The following SEMA5A variants were observed in gnomAD, a reference collection of about 807,000 sequenced individuals.
SEMA5A encodes the protein semaphorin 5A.
SEMA5A carries 55 observed loss-of-function variants against 135.5 expected under a neutral mutation model. That is an observed-to-expected ratio of 0.41 (90% CI 0.33 to 0.51). The LOEUF (loss-of-function observed/expected upper bound fraction) is 0.51. SEMA5A is among the 20% of genes least tolerant of loss of function. The pLI, the probability that SEMA5A is intolerant of heterozygous loss-of-function variation, is 0.37. For synonymous variants in SEMA5A, 580 were observed against 546.5 expected (o/e 1.06, Z -0.85); for missense variants, 1,290 against 1,419.9 (o/e 0.91, Z 1.47).
chr5:9,210,408 C>T (rs1184145122), intron 8 of SEMA5A, among the ~76,000 whole-genome samples: 1 of 152,178 alleles, frequency 6.6e-6, no homozygotes, highest in South Asian at 2.1e-4. Context: ...CATTAAATTA[C>T]CACACAGGCT....
At chr5:9,333,961 G>A (rs995112105) in intron 4 of SEMA5A, among the ~76,000 whole-genome samples, 9 of 151,878 alleles carry the variant, frequency 5.9e-5, no homozygotes, top group African/African-American at 9.7e-5. Flanking sequence ...AACATAATAC[G>A]AAAGTTCATG....
At chr5:9,135,433 G>A (rs947873290) in intron 13 of SEMA5A, among the ~76,000 whole-genome samples, 11 of 151,608 alleles carry the variant, frequency 7.3e-5, no homozygotes, top group South Asian at 6.3e-4. Flanking sequence ...CACCTGCCTC[G>A]GCCTCCCAAA....
intron 5 of SEMA5A, among the ~76,000 whole-genome samples, chr5:9,258,688 G>A (rs1749216896): frequency 6.6e-6 from 1 of 151,812 alleles, no homozygotes; most frequent in South Asian, 2.1e-4. Context: ...GGGTCTTGGT[G>A]AGTATTAAGG....
chr5:9,467,401 C>T (rs1428519871), intron 1 of SEMA5A, among the ~76,000 whole-genome samples: 2 of 152,214 alleles, frequency 1.3e-5, no homozygotes, highest in Non-Finnish European at 1.5e-5. Context: ...CGTGAGCCAC[C>T]GCGCCCGGCT....
chr5:9,221,290 G>A (rs1055761800), intron 8 of SEMA5A, among the ~76,000 whole-genome samples: 4 of 148,888 alleles, frequency 2.7e-5, no homozygotes, highest in African/African-American at 4.9e-5. Context: ...AAAGGCATCC[G>A]AACATTTTCT....
chr5:9,262,989 A>G (rs1041332149), intron 5 of SEMA5A, among the ~76,000 whole-genome samples: 2 of 150,626 alleles, frequency 1.3e-5, no homozygotes, highest in African/African-American at 2.4e-5. Context: ...TTTTAAATAA[A>G]TGCCTAAGGA....
chr5:9,367,155 A>T (rs2126414017), intron 3 of SEMA5A, among the ~76,000 whole-genome samples: 1 of 152,340 alleles, frequency 6.6e-6, no homozygotes, highest in African/African-American at 2.4e-5. Flanking sequence ...TTTTAATTTA[A>T]CTAATTAAAA....
chr5:9,408,020 C>T (rs1023791966), intron 2 of SEMA5A, among the ~76,000 whole-genome samples: 13 of 99,968 alleles, frequency 1.3e-4, no homozygotes, highest in Admixed American at 4.6e-4. Context: ...ACCAACACCA[C>T]AACTACCACC....
chr5:9,189,717 T>A (rs1744996610), intron 11 of SEMA5A, among the ~76,000 whole-genome samples: 2 of 152,202 alleles, frequency 1.3e-5, no homozygotes, highest in Non-Finnish European at 2.9e-5. Flanking sequence ...TACACTCTAG[T>A]TGCTTTGGAA....
chr5:9,393,229 G>T (rs1756243755), intron 2 of SEMA5A, among the ~76,000 whole-genome samples: 1 of 152,184 alleles, frequency 6.6e-6, no homozygotes, highest in Non-Finnish European at 1.5e-5. Flanking sequence ...ATACAAAAAT[G>T]ATCCCATCCT....
At position 9,154,491 on chromosome 5, in the gene SEMA5A, C is replaced by A; in HGVS notation, c.1478G>T (p.Arg493Leu). The A allele has an allele frequency of 6.2e-7, 1 of 1,611,798 alleles. No individual in the cohort carries two copies. The highest frequency in any genetic ancestry group is 8.5e-7 in the Non-Finnish European group (1 of 1,179,756). The change falls in exon 12 of 23, where the codon CGC (arginine) becomes CTC (leucine). Residue 493 changes from arginine (R) to leucine (L), a missense_variant. Transcript: ENST00000382496. ...PLKRCQFYRT[R>L]STCIGAQDPY... ...CCTGACCCCGGAGATGCCCTACCTG[C>A]GTGTGCGGTAGAACTGGCACCTCTT... is the stretch of plus-strand genomic sequence containing the variant.
At chr5:9,406,672 AAAG>A (rs1756899535) in intron 2 of SEMA5A, among the ~76,000 whole-genome samples, 1 of 152,238 alleles carries the variant, frequency 6.6e-6, no homozygotes, top group South Asian at 2.1e-4. Flanking sequence ...CCAAATTAGA[AAAG>A]AAGAAACATA....
chr5:9,064,169 T>A (rs1273423111), intron 17 of SEMA5A, among the ~76,000 whole-genome samples: 1 of 152,170 alleles, frequency 6.6e-6, no homozygotes, highest in Non-Finnish European at 1.5e-5. Context: ...CTGTGATAAA[T>A]TAGTATTCTG....
chr5:9,477,718 A>G (rs1343029900), intron 1 of SEMA5A, among the ~76,000 whole-genome samples: 1 of 152,232 alleles, frequency 6.6e-6, no homozygotes, highest in African/African-American at 2.4e-5. Context: ...TGCTCCTAAC[A>G]GCATATAGTC....
At chr5:9,079,467 C>T (rs1268156640) in intron 16 of SEMA5A, among the ~76,000 whole-genome samples, 1 of 151,960 alleles carries the variant, frequency 6.6e-6, no homozygotes, top group East Asian at 1.9e-4. Flanking sequence ...TAGGAAGGAT[C>T]TAAAATTGAC....
intron 1 of SEMA5A, among the ~76,000 whole-genome samples, chr5:9,457,409 A>G (rs1478928149): frequency 6.6e-6 from 1 of 152,210 alleles, no homozygotes; most frequent in Non-Finnish European, 1.5e-5. Context: ...GGTAACAGCA[A>G]CCAGGTTGCA....
rs1468664788 is a variant in SEMA5A, at chr5:9,384,687, G to GAT, written c.-77-4666_-77-4665dup. On this transcript the variant is annotated intron_variant, in intron 2 of 22. Coordinates refer to ENST00000382496, the MANE Select transcript of SEMA5A (RefSeq NM_003966.3). ...ATAGATAGATAGATATAGATAGATA[G>GAT]ATAGATAGATAGATAGATAGATAGA... 1.8e-4 allele frequency among the ~76,000 whole-genome samples: 22 copies of GAT among 125,222 alleles called. 1 individual carries two copies. Among genetic ancestry groups the GAT allele is most frequent in the South Asian group, 5.3e-4 (2 of 3,800 alleles). 82.2% of individuals were successfully genotyped at this position (125,222 alleles called of 152,430 possible).
intron 16 of SEMA5A, among the ~76,000 whole-genome samples, chr5:9,082,654 T>C (rs916805915): frequency 2.0e-5 from 3 of 152,152 alleles, no homozygotes; most frequent in African/African-American, 7.2e-5. Flanking sequence ...AATTTTGAAG[T>C]GTTAAGTGAG....
intron 5 of SEMA5A, among the ~76,000 whole-genome samples, chr5:9,281,843 G>A (rs1433614583): frequency 1.9e-5 from 1 of 52,040 alleles, no homozygotes; most frequent in Non-Finnish European, 4.2e-5. Flanking sequence ...TTTTTTTTTT[G>A]AGACAGAGCC....
Sources: gnomAD v4.1 joint callset for allele counts (sites outside exome capture counted in the v4.1 genomes callset) on GRCh38, gnomAD v4.1.1 for gene constraint, MANE v1.5 for transcripts, NCBI Gene and HGNC (gene_info 2026-07-23, HGNC 2026-07-21) for gene names.